The following SIL1 variants were observed in gnomAD, a reference collection of about 807,000 sequenced individuals.
The protein encoded by SIL1 is SIL1 nucleotide exchange factor, also known as nucleotide exchange factor SIL1.
Under a neutral mutation model 49.1 loss-of-function variants are expected in SIL1, and 40 were observed. That is an observed-to-expected ratio of 0.81 (90% CI 0.63 to 1.06). The LOEUF is 1.06. Among genes scored for constraint, SIL1 ranks in the 50% least tolerant of loss-of-function variants. SIL1 has a pLI of 0.00. For synonymous variants in SIL1, 253 were observed against 250.8 expected (o/e 1.01, Z -0.08); for missense variants, 500 against 572.6 (o/e 0.87, Z 1.29).
chr5:138,970,913 CAA>C (rs200118284), intron 7 of SIL1, among the ~76,000 whole-genome samples: 6 of 132,284 alleles, frequency 4.5e-5, no homozygotes, highest in African/African-American at 8.4e-5. Context: ...GAGCAAAACT[CAA>C]AAAAAAAAAA....
chr5:139,120,005 C>T lies in SIL1; in HGVS notation c.244+1030G>A, dbSNP rs1750587292. Among the ~76,000 whole-genome samples, 3 of 152,232 alleles carry T rather than the reference C, an allele frequency of 2.0e-5. No individual in the cohort carries two copies. The South Asian group carries it at 6.2e-4, about 31-fold the overall frequency. On this transcript the variant is annotated intron_variant, in intron 3 of 9. Coordinates refer to ENST00000394817, the MANE Select transcript of SIL1 (RefSeq NM_022464.5). Reference sequence around the variant, plus strand: ...AATGCCATTAGCTCCCACCTGGCTTCCTCGGTGCTTCATCACTCTTCTGTG... The same window carrying T: ...AATGCCATTAGCTCCCACCTGGCTTTCTCGGTGCTTCATCACTCTTCTGTG...
intron 3 of SIL1, among the ~76,000 whole-genome samples, chr5:139,097,783 T>C (rs1299773608): frequency 6.6e-6 from 1 of 152,054 alleles, no homozygotes; most frequent in Non-Finnish European, 1.5e-5. Flanking sequence ...GCCCTAAAAA[T>C]CAGTAGCATT....
At chr5:139,153,505 T>C (rs1295868185) in intron 1 of SIL1, among the ~76,000 whole-genome samples, 1 of 152,216 alleles carries the variant, frequency 6.6e-6, no homozygotes, top group Non-Finnish European at 1.5e-5. Context: ...ATTTAGAGTC[T>C]CTGTTAGACT....
At chr5:139,123,859 A>G (rs899451196) in intron 2 of SIL1, among the ~76,000 whole-genome samples, 2 of 152,346 alleles carry the variant, frequency 1.3e-5, no homozygotes, top group South Asian at 2.1e-4. Flanking sequence ...TCTTATTTTT[A>G]GAACACTAAG....
chr5:139,080,574 T>C (rs1455958124), intron 3 of SIL1, among the ~76,000 whole-genome samples: 2 of 152,244 alleles, frequency 1.3e-5, no homozygotes, highest in African/African-American at 2.4e-5. Flanking sequence ...ACCACTTGTA[T>C]GTCCTCAAAT....
At chr5:139,018,658 G>T (rs949014011) in intron 7 of SIL1, among the ~76,000 whole-genome samples, 2 of 148,516 alleles carry the variant, frequency 1.3e-5, no homozygotes, top group African/African-American at 5.0e-5. Context: ...CTTAACAGAA[G>T]AGAAAATGAG....
intron 7 of SIL1, among the ~76,000 whole-genome samples, chr5:139,007,076 T>C (rs1432189980): frequency 7.7e-6 from 1 of 129,352 alleles, no homozygotes; most frequent in Admixed American, 7.5e-5. Context: ...ATGATATTGA[T>C]TCTTCCTACC....
At chr5:139,070,454 A>G (rs1176827580) in intron 3 of SIL1, among the ~76,000 whole-genome samples, 1 of 152,208 alleles carries the variant, frequency 6.6e-6, no homozygotes, top group Non-Finnish European at 1.5e-5. Flanking sequence ...CCTAGAAACA[A>G]TGACCAACAC....
At chr5:139,009,117 C>A (rs1364593189) in intron 7 of SIL1, among the ~76,000 whole-genome samples, 28 of 151,504 alleles carry the variant, frequency 1.8e-4, no homozygotes, top group East Asian at 1.6e-3. Context: ...GTAGGTCACT[C>A]AGGACTTGCG....
intron 1 of SIL1, among the ~76,000 whole-genome samples, chr5:139,160,441 A>C (rs969345597): frequency 6.6e-6 from 1 of 152,180 alleles, no homozygotes; most frequent in Non-Finnish European, 1.5e-5. Context: ...TGGTTGAGAG[A>C]GCCACTCTAC....
At chr5:139,037,432 G>C (rs917893051) in intron 5 of SIL1, among the ~76,000 whole-genome samples, 1 of 151,990 alleles carries the variant, frequency 6.6e-6, no homozygotes, top group Non-Finnish European at 1.5e-5. Flanking sequence ...TTATTTTCTA[G>C]CCCCATATTC....
intron 3 of SIL1, among the ~76,000 whole-genome samples, chr5:139,106,935 A>G (rs79337685): frequency 1.2e-3 from 187 of 152,346 alleles, no homozygotes; most frequent in African/African-American, 4.2e-3. Flanking sequence ...AGGCATCACA[A>G]TCCACAAACA....
rs1209247556 is a variant in SIL1 at position 139,008,687 on chromosome 5, A to G, written c.767+12484T>C. 1.2e-3 allele frequency among the ~76,000 whole-genome samples: 174 copies of G among 149,794 alleles called. 3 individuals carry two copies. Among genetic ancestry groups the G allele is most frequent in the African/African-American group, 4.2e-3 (168 of 40,470 alleles). On this transcript the variant is annotated intron_variant, in intron 7 of 9. Coordinates refer to ENST00000394817, the MANE Select transcript of SIL1 (RefSeq NM_022464.5). ...TCTTTGTTCTCATTGGTTTCAAAGA[A>G]CATCTTTATTTCTGCCTTCATTTCG...
intron 1 of SIL1, among the ~76,000 whole-genome samples, chr5:139,157,543 T>C (rs1326969155): frequency 2.0e-5 from 3 of 152,190 alleles, no homozygotes; most frequent in Admixed American, 2.0e-4. Flanking sequence ...TAACCAATTC[T>C]GGAATTAACA....
chr5:139,161,806 A>C (rs1283704762), intron 1 of SIL1, among the ~76,000 whole-genome samples: 1 of 151,866 alleles, frequency 6.6e-6, no homozygotes, highest in East Asian at 1.9e-4. Context: ...TGAGTCCAGG[A>C]GTTTGAGACC....
At chr5:139,104,110 C>T (rs116350639) in intron 3 of SIL1, among the ~76,000 whole-genome samples, 2,151 of 152,338 alleles carry the variant, frequency 0.014, 55 homozygotes, top group African/African-American at 0.049. Context: ...AAGTCTCTCC[C>T]TGTGTGTCAG....
In SIL1 at chr5:139,081,067, G is replaced by T. The variant is rs1323623935; in HGVS notation, c.245-30021C>A. Among the ~76,000 whole-genome samples the T allele has an allele frequency of 1.3e-5, 2 of 152,142 alleles. 1 individual carries two copies. The highest frequency in any genetic ancestry group is 2.9e-5 in the Non-Finnish European group (2 of 68,024). On this transcript the variant is annotated intron_variant, in intron 3 of 9. Transcript: ENST00000394817. ...AAGCACAGCATTAACCACTGTTATC[G>T]CAATATGGCGTCAATGTTGATCCAC... is the stretch of plus-strand genomic sequence containing the variant.
intron 1 of SIL1, chr5:139,187,870 CG>C (rs1752103151): frequency 6.6e-6 from 1 of 152,116 alleles, no homozygotes; most frequent in South Asian, 2.1e-4. Flanking sequence ...GTCATAGGGG[CG>C]GATTTCCCCC....
At chr5:139,060,218 G>T (rs1310179467) in intron 3 of SIL1, among the ~76,000 whole-genome samples, 2 of 152,034 alleles carry the variant, frequency 1.3e-5, no homozygotes, top group Admixed American at 1.3e-4. Flanking sequence ...CTATTACTGT[G>T]GTTCTAAGAG....
Sources: gnomAD v4.1 joint callset for allele counts (sites outside exome capture counted in the v4.1 genomes callset) on GRCh38, gnomAD v4.1.1 for gene constraint, MANE v1.5 for transcripts, NCBI Gene and HGNC (gene_info 2026-07-23, HGNC 2026-07-21) for gene names.